The following SLC44A5 variants were observed in gnomAD, a reference collection of about 807,000 sequenced individuals.
The protein encoded by SLC44A5 is choline transporter-like protein 5.
SLC44A5 carries 57 observed loss-of-function variants against 101.8 expected under a neutral mutation model. The ratio of observed to expected loss-of-function variants is 0.56; its 90% CI spans 0.45 to 0.70. The LOEUF is 0.70. Among genes scored for constraint, SLC44A5 ranks in the 30% least tolerant of loss-of-function variants. The pLI is 0.00. For synonymous variants in SLC44A5, 281 were observed against 290.9 expected, an observed-to-expected ratio of 0.97 and a Z score of 0.35; for missense variants, 737 against 853.1, an observed-to-expected ratio of 0.86 and a Z score of 1.70.
chr1:75,286,335 C>G (rs959915759), intron 5 of SLC44A5, among the ~76,000 whole-genome samples: 2 of 152,074 alleles, frequency 1.3e-5, no homozygotes, highest in Non-Finnish European at 2.9e-5. Context: ...TCTTTTTCCA[C>G]CCCTTTACCT....
rs368933799 is a variant in SLC44A5 at position 75,280,293 on chromosome 1, T to A, written c.176-5251A>T. ...TATATATAATATATATTGTATATAT[T>A]ATATATTGTATATATAATATATATT... On this transcript the variant is annotated intron_variant, in intron 5 of 23. Transcript: ENST00000370859. 9.8e-5 allele frequency among the ~76,000 whole-genome samples: 3 copies of A among 30,740 alleles called. 1 individual carries two copies. The highest frequency in any genetic ancestry group is 2.8e-3 in the South Asian group (2 of 724). 20.2% of individuals were successfully genotyped at this position (30,740 alleles called of 152,430 possible).
At chr1:75,237,385 A>T (rs1648188685) in intron 10 of SLC44A5, among the ~76,000 whole-genome samples, 1 of 152,142 alleles carries the variant, frequency 6.6e-6, no homozygotes, top group Non-Finnish European at 1.5e-5. Context: ...TGATAAGATT[A>T]GCTTTTAATT....
At chr1:75,339,475 C>T (rs1048814347) in intron 4 of SLC44A5, 107 bp downstream of exon 4, 20 of 800,482 alleles carry the variant, frequency 2.5e-5, no homozygotes, top group Admixed American at 7.7e-5. Flanking sequence ...ATTTTCCCCT[C>T]ACAGTAGACA....
chr1:75,237,188 T>C (rs1648167815), intron 10 of SLC44A5, 118 bp from the exon 11 acceptor site: 1 of 595,970 alleles, frequency 1.7e-6, no homozygotes, highest in Non-Finnish European at 3.1e-6. Context: ...TCAGAAACCA[T>C]CTATCAGTAG....
chr1:75,450,377 C>T (rs1665836557), intron 2 of SLC44A5, among the ~76,000 whole-genome samples: 1 of 152,200 alleles, frequency 6.6e-6, no homozygotes, highest in Non-Finnish European at 1.5e-5. Context: ...AGCTAGATGT[C>T]ATTTTTAATC....
intron 2 of SLC44A5, among the ~76,000 whole-genome samples, chr1:75,445,144 A>T (rs1425964530): frequency 6.6e-6 from 1 of 152,072 alleles, no homozygotes; most frequent in Admixed American, 6.6e-5. Flanking sequence ...TGGGTGATGT[A>T]TGGGTCATGG....
intron 2 of SLC44A5, among the ~76,000 whole-genome samples, chr1:75,531,345 A>G (rs914425345): frequency 2.0e-5 from 3 of 152,172 alleles, no homozygotes; most frequent in African/African-American, 7.2e-5. Flanking sequence ...CTGAATACCT[A>G]TTAAGATCTC....
chr1:75,225,596 C>T (rs1192890350), intron 13 of SLC44A5, among the ~76,000 whole-genome samples: 2 of 152,050 alleles, frequency 1.3e-5, no homozygotes, highest in South Asian at 2.1e-4. Context: ...GAACCATCTC[C>T]GAACACAAAA....
At chr1:75,262,938 G>A (rs908677853) in intron 6 of SLC44A5, among the ~76,000 whole-genome samples, 1 of 152,144 alleles carries the variant, frequency 6.6e-6, no homozygotes, top group African/African-American at 2.4e-5. Flanking sequence ...TATGCAGAAA[G>A]CTGAAACTGG....
At chr1:75,660,122 T>G in the SLC44A5 span, among the ~76,000 whole-genome samples, 1 of 151,910 alleles carries the variant, frequency 6.6e-6, no homozygotes, top group East Asian at 1.9e-4. Flanking sequence ...GAGAATTGCT[T>G]GAACCCAGGA....
intron 2 of SLC44A5, among the ~76,000 whole-genome samples, chr1:75,495,617 C>T (rs1668629802): frequency 6.6e-6 from 1 of 151,190 alleles, no homozygotes; most frequent in African/African-American, 2.4e-5. Context: ...AATACAAGGG[C>T]TCAACAGCAG....
At chr1:75,323,208 T>C (rs1054510926) in intron 4 of SLC44A5, among the ~76,000 whole-genome samples, 6 of 150,658 alleles carry the variant, frequency 4.0e-5, no homozygotes, top group Admixed American at 1.3e-4. Flanking sequence ...TTTTTGTTCT[T>C]GCGATAGTTT....
intron 1 of SLC44A5, among the ~76,000 whole-genome samples, chr1:75,567,803 C>G (rs1312349638): frequency 6.6e-6 from 1 of 152,154 alleles, no homozygotes; most frequent in Non-Finnish European, 1.5e-5. Context: ...ATTATTTAAG[C>G]TTTTCAATTC....
the SLC44A5 span, among the ~76,000 whole-genome samples, chr1:75,700,692 C>T: frequency 5.3e-5 from 8 of 152,150 alleles, no homozygotes; most frequent in East Asian, 1.5e-3. Flanking sequence ...CACAAAAAAC[C>T]CTTCAAAAAA....
the SLC44A5 span, among the ~76,000 whole-genome samples, chr1:75,705,838 C>T: frequency 6.6e-6 from 1 of 151,994 alleles, no homozygotes; most frequent in African/African-American, 2.4e-5. Flanking sequence ...ACCACCACGC[C>T]GGACTAATTT....
the SLC44A5 span, among the ~76,000 whole-genome samples, chr1:75,668,308 T>C: frequency 1.5e-5 from 2 of 132,634 alleles, no homozygotes; most frequent in African/African-American, 2.9e-5. Context: ...TCCTGGATCC[T>C]AGGAGCCTTT....
intron 2 of SLC44A5, among the ~76,000 whole-genome samples, chr1:75,487,664 T>C (rs1668223260): frequency 6.6e-6 from 1 of 152,220 alleles, no homozygotes; most frequent in Non-Finnish European, 1.5e-5. Flanking sequence ...ATCTGTCACT[T>C]AACATCATGA....
chr1:75,365,650 A>T (rs1472386085), intron 3 of SLC44A5, among the ~76,000 whole-genome samples: 1 of 152,236 alleles, frequency 6.6e-6, no homozygotes, highest in East Asian at 1.9e-4. Context: ...ATGCCCATCA[A>T]TGATAGACTG....
chr1:75,463,185 G>C (rs940433216), intron 2 of SLC44A5, among the ~76,000 whole-genome samples: 1 of 152,292 alleles, frequency 6.6e-6, no homozygotes, highest in East Asian at 1.9e-4. Flanking sequence ...ACTTTGGAAG[G>C]CCGAGGCAGG....
Sources: allele counts gnomAD v4.1 joint callset (sites outside exome capture counted in the v4.1 genomes callset), GRCh38; gene constraint gnomAD v4.1.1; transcripts MANE v1.5; gene names NCBI Gene and HGNC (gene_info 2026-07-23, HGNC 2026-07-21).